TRAM2: variants seen among roughly 807,000 people sequenced by gnomAD.
The protein encoded by TRAM2 is translocating chain-associated membrane protein 2.
In TRAM2, 12 loss-of-function variants were observed where a neutral mutation model predicts 51.0. That is an observed-to-expected ratio of 0.24 (90% CI 0.15 to 0.38). The LOEUF (loss-of-function observed/expected upper bound fraction) is 0.38. Ranked by LOEUF, TRAM2 falls within the 10% of genes least tolerant of loss-of-function variation. The pLI is 1.00. For missense variants in TRAM2, 361 were observed against 462.0 expected (o/e 0.78, Z 2.00); for synonymous variants, 175 against 179.4 (o/e 0.98, Z 0.20).
chr6:52,539,480 C>A (rs1275577688), intron 1 of TRAM2, among the ~76,000 whole-genome samples: 2 of 152,072 alleles, frequency 1.3e-5, no homozygotes, highest in Non-Finnish European at 2.9e-5. Flanking sequence ...AACGTCAGCA[C>A]CATGAGGGCC....
chr6:52,554,519 C>CAA (rs55641649), intron 1 of TRAM2, among the ~76,000 whole-genome samples: 1,541 of 108,978 alleles, frequency 0.014, 18 homozygotes, highest in African/African-American at 0.025. Context: ...GACCCCATCT[C>CAA]AAAAAAAAAA....
rs368132280 is a variant in TRAM2 at position 52,503,157 on chromosome 6, G to A, written c.*40C>T. 2.8e-5 allele frequency: 44 copies of A among 1,568,818 alleles called. No homozygotes were observed. The highest frequency in any genetic ancestry group is 8.9e-5 in the South Asian group (8 of 90,018). On this transcript the variant is annotated 3_prime_UTR_variant, in exon 11 of 11. Transcript: ENST00000182527. ...GGCCTGGGCTCCTTGCCCCCTGCTC[G>A]GCCCCCACCAAGAGGATTCCTGTTC...
intron 2 of TRAM2, chr6:52,529,444 G>A (rs370732455): frequency 3.8e-4 from 58 of 152,148 alleles, no homozygotes; most frequent in African/African-American, 1.3e-3. Flanking sequence ...CGTGCTTCTC[G>A]GGCTTTACGG....
At chr6:52,528,261 G>A (rs956026254) in intron 2 of TRAM2, among the ~76,000 whole-genome samples, 3 of 152,058 alleles carry the variant, frequency 2.0e-5, no homozygotes, top group African/African-American at 7.2e-5. Flanking sequence ...AAAAGGAGCA[G>A]GCCAGACTAG....
intron 1 of TRAM2, among the ~76,000 whole-genome samples, chr6:52,544,003 C>T (rs1404425008): frequency 1.3e-5 from 2 of 152,214 alleles, no homozygotes; most frequent in African/African-American, 4.8e-5. Context: ...TTATTCTCCA[C>T]CACCTTGAAA....
intron 2 of TRAM2, chr6:52,524,786 G>A (rs978235739): frequency 6.6e-6 from 1 of 151,896 alleles, no homozygotes; most frequent in Admixed American, 6.6e-5. Context: ...AGCGAGAATG[G>A]GCATGAAAAG....
rs1581868492 is a variant in TRAM2, at chr6:52,508,083, T to C, written c.555+151A>G. 4.4e-6 allele frequency: 3 copies of C among 682,184 alleles called. No individual in the cohort carries two copies. In the South Asian group the frequency reaches 5.9e-5, roughly 13 times the overall value. The allele number at this position is 682,184 out of a possible 1,614,324, so 42.3% of individuals were successfully genotyped here. A position where few individuals can be genotyped will look rare whatever the true frequency, so the allele number is the denominator to read the frequency against. On this transcript the variant is annotated intron_variant, in intron 6 of 10. Coordinates refer to ENST00000182527, the MANE Select transcript of TRAM2 (RefSeq NM_012288.4). ...AACTACATGACACTTCTCCAAGAGATGACTCAGCATGTTGCTCAATCCCCA... is the reference window on the plus strand; with the variant it reads ...AACTACATGACACTTCTCCAAGAGACGACTCAGCATGTTGCTCAATCCCCA...
At chr6:52,509,109 C>T (rs755445426) in intron 5 of TRAM2, among the ~76,000 whole-genome samples, 12 of 152,190 alleles carry the variant, frequency 7.9e-5, no homozygotes, top group Non-Finnish European at 1.6e-4. Flanking sequence ...CCAGGTATTG[C>T]CCTTGGGGTA....
At chr6:52,557,236 G>A (rs1322108209) in intron 1 of TRAM2, among the ~76,000 whole-genome samples, 2 of 151,864 alleles carry the variant, frequency 1.3e-5, no homozygotes, top group Non-Finnish European at 2.9e-5. Context: ...GCACCAGGAT[G>A]TACAGACTGT....
chr6:52,552,262 G>C (rs1767323212), intron 1 of TRAM2, among the ~76,000 whole-genome samples: 1 of 152,358 alleles, frequency 6.6e-6, no homozygotes, highest in Admixed American at 6.5e-5. Flanking sequence ...GGACAGCCCT[G>C]GGACAGGACC....
At chr6:52,504,263 G>A (rs568734133) in intron 10 of TRAM2, among the ~76,000 whole-genome samples, 90 of 152,322 alleles carry the variant, frequency 5.9e-4, no homozygotes, top group African/African-American at 2.1e-3. Flanking sequence ...GGGCGGCGGC[G>A]GCAGTAGCAG....
intron 1 of TRAM2, among the ~76,000 whole-genome samples, chr6:52,553,235 G>A (rs1767342257): frequency 6.6e-6 from 1 of 152,086 alleles, no homozygotes; most frequent in South Asian, 2.1e-4. Context: ...GATAGTCCTG[G>A]ATGTCCTAAA....
chr6:52,575,617 A>G (rs1767750370), intron 1 of TRAM2, among the ~76,000 whole-genome samples: 1 of 152,186 alleles, frequency 6.6e-6, no homozygotes, highest in South Asian at 2.1e-4. Flanking sequence ...TCATTCGTAG[A>G]GATACAGGGA....
chr6:52,567,908 C>T (rs1767614093), intron 1 of TRAM2, among the ~76,000 whole-genome samples: 1 of 152,222 alleles, frequency 6.6e-6, no homozygotes, highest in South Asian at 2.1e-4. Flanking sequence ...GTTTGCCTAG[C>T]TACTACTCCT....
intron 1 of TRAM2, among the ~76,000 whole-genome samples, chr6:52,540,781 T>C (rs1256021541): frequency 6.6e-6 from 1 of 152,336 alleles, no homozygotes; most frequent in East Asian, 1.9e-4. Context: ...GGAAACATTA[T>C]TGAGTTTAAT....
At chr6:52,534,388 C>A (rs1210288566) in intron 2 of TRAM2, among the ~76,000 whole-genome samples, 1 of 152,130 alleles carries the variant, frequency 6.6e-6, no homozygotes, top group African/African-American at 2.4e-5. Context: ...TCCAAACAAA[C>A]AAACAAACAA....
At chr6:52,505,913 G>C in intron 8 of TRAM2, 119 bp downstream of exon 8, 1 of 1,379,652 alleles carries the variant, frequency 7.2e-7, no homozygotes, top group Non-Finnish European at 1.0e-6. Flanking sequence ...TAACGGGAGG[G>C]CACCACCTGC....
intron 2 of TRAM2, among the ~76,000 whole-genome samples, chr6:52,530,373 T>TGC (rs749515425): frequency 3.9e-5 from 6 of 152,242 alleles, no homozygotes; most frequent in Non-Finnish European, 7.3e-5. Context: ...CTGATTATAA[T>TGC]GCACAAAATC....
chr6:52,512,439 G>A (rs1290573025), intron 4 of TRAM2, among the ~76,000 whole-genome samples: 1 of 152,184 alleles, frequency 6.6e-6, no homozygotes, highest in Non-Finnish European at 1.5e-5. Flanking sequence ...TCACTGCTCT[G>A]AGAACAGCCT....
Sources: allele counts gnomAD v4.1 joint callset (sites outside exome capture counted in the v4.1 genomes callset), GRCh38; gene constraint gnomAD v4.1.1; transcripts MANE v1.5; gene names NCBI Gene and HGNC (gene_info 2026-07-23, HGNC 2026-07-21).